The following LMF1 variants were observed in gnomAD, a reference collection of about 807,000 sequenced individuals.
The protein encoded by LMF1 is lipase maturation factor 1.
In LMF1, 68 loss-of-function variants were observed where a neutral mutation model predicts 60.6. The observed-to-expected ratio is 1.12, with a 90% CI of 0.92 to 1.37. LMF1 has a LOEUF of 1.37. Ranked by LOEUF, LMF1 falls within the 40% of genes most tolerant of loss-of-function variation. The pLI is 0.00. For synonymous variants in LMF1, 418 were observed against 324.7 expected, an observed-to-expected ratio of 1.29 and a Z score of -3.09; for missense variants, 948 against 767.2, an observed-to-expected ratio of 1.24 and a Z score of -2.78.
rs373091832 is a variant in LMF1, at chr16:955,078, G to A, written c.194-412C>T. Among the ~76,000 whole-genome samples, 47 of 148,756 alleles carry A rather than the reference G, an allele frequency of 3.2e-4. 2 individuals are homozygous for A. Among genetic ancestry groups the A allele is most frequent in the South Asian group, 6.4e-4 (3 of 4,686 alleles). ...AAACTAGACACGTTACATAAAATGCGTGCCCGCAGCAGACGCGGTGTGTGC... is the reference window on the plus strand; with the variant it reads ...AAACTAGACACGTTACATAAAATGCATGCCCGCAGCAGACGCGGTGTGTGC... On this transcript the variant is annotated intron_variant, in intron 1 of 10. Coordinates refer to ENST00000262301, the MANE Select transcript of LMF1 (RefSeq NM_022773.4).
intron 10 of LMF1, among the ~76,000 whole-genome samples, chr16:861,354 C>CTTTTTTTTTTTTTTTT (rs33941455): frequency 4.3e-5 from 4 of 92,670 alleles, no homozygotes; most frequent in Non-Finnish European, 6.3e-5. Flanking sequence ...AATTTTCTTT[C>CTTTTTTTTTTTTTTTT]TTTTTTTTTT....
intron 2 of LMF1, among the ~76,000 whole-genome samples, chr16:944,768 T>C (rs991050424): frequency 6.6e-6 from 1 of 152,104 alleles, no homozygotes; most frequent in Non-Finnish European, 1.5e-5. Flanking sequence ...CGGCCCCTCC[T>C]TGCTGCTTGC....
chr16:904,449 G>A (rs1283921258), intron 4 of LMF1, among the ~76,000 whole-genome samples: 13 of 113,632 alleles, frequency 1.1e-4, no homozygotes, highest in South Asian at 3.8e-4. Flanking sequence ...ACTGCCTGTG[G>A]GGACGCCCGT....
chr16:960,340 G>A (rs2072799017), intron 1 of LMF1, among the ~76,000 whole-genome samples: 1 of 149,354 alleles, frequency 6.7e-6, no homozygotes, highest in Non-Finnish European at 1.5e-5. Context: ...GACTCACGGT[G>A]ACAGCACGGG....
rs2073030242 is a variant in LMF1, at chr16:970,857, C to T, written c.124G>A (p.Ala42Thr). ...CAGAAGGTGCCCGTGTGGAGATGGG[C>T]CGGAGAGCCTGCGGGGCCACGCCCC... ...APGRGPAGSP[A>T]HLHTGTFWLT... The change falls in exon 1 of 11, where the codon GCC becomes ACC. Residue 42 changes from alanine to threonine, a missense_variant. Coordinates refer to ENST00000262301, the MANE Select transcript of LMF1 (RefSeq NM_022773.4). 1.3e-6 allele frequency: 2 copies of T among 1,558,850 alleles called. No homozygotes were observed. The highest frequency in any genetic ancestry group is 2.4e-5 in the South Asian group (2 of 83,874).
intron 4 of LMF1, chr16:904,049 T>C (rs2070900819): frequency 5.7e-6 from 1 of 175,494 alleles, no homozygotes; most frequent in Non-Finnish European, 1.0e-5. Context: ...CTGTCTCTGC[T>C]GCGTGGTGGT....
chr16:941,166 T>C (rs952624096), intron 2 of LMF1, among the ~76,000 whole-genome samples: 2 of 152,212 alleles, frequency 1.3e-5, no homozygotes, highest in African/African-American at 4.8e-5. Context: ...TTTCAACTCA[T>C]TTGTACCTTT....
chr16:910,440 G>C (rs1010089566), intron 4 of LMF1, among the ~76,000 whole-genome samples: 1 of 152,252 alleles, frequency 6.6e-6, no homozygotes, highest in African/African-American at 2.4e-5. Flanking sequence ...GAAGGACGCA[G>C]CCAAGAGACC....
rs945341078 is a variant in LMF1, at chr16:962,273, C to T, written c.194-7607G>A. On this transcript the variant is annotated intron_variant, in intron 1 of 10. Coordinates refer to ENST00000262301, the MANE Select transcript of LMF1 (RefSeq NM_022773.4). The surrounding 1 kb of genome is among the most constrained non-coding windows in gnomAD (Gnocchi z 4.5). Reference sequence around the variant, plus strand: ...GACTCACGGTGACAGCACGGGATCACGACCCAGAGGGAAAATAAATGGGCG... The same window carrying T: ...GACTCACGGTGACAGCACGGGATCATGACCCAGAGGGAAAATAAATGGGCG... Among the ~76,000 whole-genome samples, 2 of 152,180 alleles carry T rather than the reference C, an allele frequency of 1.3e-5. No homozygotes were observed. The highest frequency in any genetic ancestry group is 6.5e-5 in the Admixed American group (1 of 15,280).
chr16:885,888 A>G (rs1452751192), intron 5 of LMF1, among the ~76,000 whole-genome samples: 1 of 152,268 alleles, frequency 6.6e-6, no homozygotes, highest in Admixed American at 6.5e-5. Flanking sequence ...GAATCCTGAC[A>G]GAACACTGTC....
intron 6 of LMF1, among the ~76,000 whole-genome samples, chr16:877,168 C>A (rs903171820): frequency 6.6e-6 from 1 of 152,136 alleles, no homozygotes; most frequent in Non-Finnish European, 1.5e-5. Context: ...CCCAGCTCTA[C>A]AAAAAATGAA....
intron 1 of LMF1, among the ~76,000 whole-genome samples, chr16:967,142 C>T (rs545372934): frequency 4.8e-4 from 73 of 152,302 alleles, no homozygotes; most frequent in African/African-American, 1.7e-3. Flanking sequence ...TCCAGGAGTC[C>T]AGCCCCAGCT....
intron 1 of LMF1, chr16:968,451 T>C (rs915951671): frequency 6.6e-6 from 1 of 152,238 alleles, no homozygotes; most frequent in African/African-American, 2.4e-5. Context: ...AGTGAAATAT[T>C]TGGAGAGCCC....
chr16:931,389 G>A (rs1212918060), intron 3 of LMF1, among the ~76,000 whole-genome samples: 4 of 152,098 alleles, frequency 2.6e-5, no homozygotes, highest in East Asian at 3.9e-4. Context: ...GACCGACCCC[G>A]TGCCCCGCCC....
chr16:929,511 C>T (rs1052176954), intron 3 of LMF1, among the ~76,000 whole-genome samples: 3 of 152,224 alleles, frequency 2.0e-5, no homozygotes, highest in African/African-American at 4.8e-5. Context: ...CCCGCTGCTG[C>T]GGGTCCTCTC....
chr16:968,661 A>C (rs1468834713), intron 1 of LMF1: 1 of 152,228 alleles, frequency 6.6e-6, no homozygotes, highest in Non-Finnish European at 1.5e-5. Flanking sequence ...ATTCTACCCC[A>C]AATGTACTCA....
chr16:931,871 A>G (rs2151784067), intron 3 of LMF1: 1 of 1,195,450 alleles, frequency 8.4e-7, no homozygotes, highest in Non-Finnish European at 1.1e-6. Flanking sequence ...ATGAGTCAAC[A>G]ATTCGCTTCT....
chr16:946,137 A>T (rs1271154164), intron 2 of LMF1, among the ~76,000 whole-genome samples: 5 of 152,242 alleles, frequency 3.3e-5, no homozygotes, highest in Admixed American at 2.6e-4. Context: ...AGCTGTGGTT[A>T]TCTGCAAATG....
intron 10 of LMF1, among the ~76,000 whole-genome samples, chr16:861,354 C>CTTTTTTTTT (rs33941455): frequency 4.3e-5 from 4 of 92,664 alleles, no homozygotes; most frequent in Non-Finnish European, 6.3e-5. Flanking sequence ...AATTTTCTTT[C>CTTTTTTTTT]TTTTTTTTTT....
Sources: allele counts gnomAD v4.1 joint callset (sites outside exome capture counted in the v4.1 genomes callset), GRCh38; gene constraint gnomAD v4.1.1; non-coding constraint Gnocchi (gnomAD v3.1); transcripts MANE v1.5; gene names NCBI Gene and HGNC (gene_info 2026-07-23, HGNC 2026-07-21).